The following RBM28 variants were observed in gnomAD, a reference collection of about 807,000 sequenced individuals.
The protein encoded by RBM28 is RNA binding motif protein 28.
In RBM28, 78 loss-of-function variants were observed where a neutral mutation model predicts 98.3. That is an observed-to-expected ratio of 0.79 (90% CI 0.66 to 0.96). The LOEUF (loss-of-function observed/expected upper bound fraction) is 0.96. Ranked by LOEUF, RBM28 falls within the 40% of genes least tolerant of loss-of-function variation. RBM28 has a pLI of 0.00. For missense variants in RBM28, 838 were observed against 913.0 expected (o/e 0.92, Z 1.06); for synonymous variants, 306 against 330.9 (o/e 0.92, Z 0.82).
chr7:128,316,407 T>A (rs972593956), intron 16 of RBM28, among the ~76,000 whole-genome samples: 2 of 152,078 alleles, frequency 1.3e-5, no homozygotes, highest in Non-Finnish European at 2.9e-5. Flanking sequence ...ATAAAGTAAT[T>A]TGGATGTTAA....
Position 128,343,802 on chromosome 7 carries a change from G to T in RBM28, c.-9C>A, listed in dbSNP as rs1041053876. ...AAGGTCAGGCCGGCCATGAGACCGG[G>T]AAACCCAAAGCGCGTGAGGACGCGA... On this transcript the variant is annotated 5_prime_UTR_variant, in exon 1 of 19. Transcript: ENST00000223073. 3.2e-6 allele frequency: 5 copies of T among 1,581,320 alleles called. No individual in the cohort carries two copies. In the African/African-American group the frequency reaches 6.8e-5, roughly 21 times the overall value.
chr7:128,320,585 A>C (rs1796210085), intron 14 of RBM28, among the ~76,000 whole-genome samples: 1 of 152,230 alleles, frequency 6.6e-6, no homozygotes, highest in Non-Finnish European at 1.5e-5. Flanking sequence ...CACAAGGCAT[A>C]GGGGACTCTG....
rs2116308748 is a variant in RBM28 at position 128,307,090 on chromosome 7, A to C, written c.*3707T>G. ...AGTGCCAATTAAGGCTGAGTTGAAA[A>C]GGAGCTGGGCATCATCAAACTGCAA... On this transcript the variant is annotated 3_prime_UTR_variant, in exon 19 of 19. Coordinates refer to ENST00000223073, the MANE Select transcript of RBM28 (RefSeq NM_018077.3). The C allele has an allele frequency of 6.6e-6, 1 of 152,398 alleles. No homozygotes were observed. Among genetic ancestry groups the C allele is most frequent in the East Asian group, 1.9e-4 (1 of 5,194 alleles). 9.4% of individuals were successfully genotyped at this position (152,398 alleles called of 1,614,324 possible). A position where few individuals can be genotyped will look rare whatever the true frequency, so the allele number is the denominator to read the frequency against.
chr7:128,324,646 C>T lies in RBM28; in HGVS notation c.1252G>A (p.Val418Met), dbSNP rs1020928593. The T allele has an allele frequency of 8.1e-6, 13 of 1,614,078 alleles. No individual in the cohort carries two copies. Among genetic ancestry groups the T allele is most frequent in the Non-Finnish European group, 9.3e-6 (11 of 1,180,058 alleles). The change falls in exon 12 of 19, where the codon GTG (valine) becomes ATG (methionine). Residue 418 changes from valine to methionine, a missense_variant. By Grantham distance (21) the Val-to-Met change is conservative (BLOSUM62 1). Coordinates refer to ENST00000223073, the MANE Select transcript of RBM28 (RefSeq NM_018077.3). ...DGRQLKVDLAVTRDEAAKLQT... is the reference protein window; with the variant it reads ...DGRQLKVDLAMTRDEAAKLQT... Reference sequence around the variant, plus strand: ...AGCTTTGCAGCCTCATCACGGGTCACCGCCAAGTCAACCTTGAGCTGCCGG... The same window carrying T: ...AGCTTTGCAGCCTCATCACGGGTCATCGCCAAGTCAACCTTGAGCTGCCGG...
intron 8 of RBM28, 25 bp downstream of exon 8, chr7:128,335,518 G>A (rs760783507): frequency 1.9e-6 from 3 of 1,613,992 alleles, no homozygotes; most frequent in Non-Finnish European, 2.5e-6. Context: ...AAAGTCTAAA[G>A]ACATTTATGA....
intron 16 of RBM28, 23 bp downstream of exon 16, chr7:128,317,636 T>C: frequency 6.5e-7 from 1 of 1,530,604 alleles, no homozygotes; most frequent in Non-Finnish European, 9.1e-7. Flanking sequence ...TCCTTAAAAA[T>C]ATGGACCATT....
intron 13 of RBM28, 91 bp from the exon 14 acceptor site, chr7:128,321,515 T>TC: frequency 6.7e-7 from 1 of 1,493,052 alleles, no homozygotes; most frequent in South Asian, 1.1e-5. Context: ...ATGATCCTCA[T>TC]CCCATAACCA....
At chr7:128,330,356 A>C (rs1355511651) in intron 10 of RBM28, among the ~76,000 whole-genome samples, 2 of 146,014 alleles carry the variant, frequency 1.4e-5, no homozygotes, top group Non-Finnish European at 3.0e-5. Flanking sequence ...ATTAAAGACC[A>C]GGATGTCCCT....
In RBM28 at chr7:128,313,250, C is replaced by T. The variant is rs1796026897; in HGVS notation, c.2070G>A (p.Lys690=). The change falls in exon 18 of 19, where the codon AAG becomes AAA. Residue 690 remains lysine (K), a synonymous_variant. Coordinates refer to ENST00000223073, the MANE Select transcript of RBM28 (RefSeq NM_018077.3). ...KIRLRDKGKV[K]PVHPKKPKPQ... Reference sequence around the variant, plus strand: ...GCTTTGGCTTTTTGGGATGGACGGGCTTCACTTTGCCTTTGTCCCGCAACC... The same window carrying T: ...GCTTTGGCTTTTTGGGATGGACGGGTTTCACTTTGCCTTTGTCCCGCAACC... The T allele has an allele frequency of 6.2e-7, 1 of 1,614,150 alleles. No individual in the cohort carries two copies.
chr7:128,336,188 G>A, intron 6 of RBM28, 146 bp from the exon 7 acceptor site: 2 of 768,434 alleles, frequency 2.6e-6, no homozygotes, highest in Non-Finnish European at 4.1e-6. Context: ...ACAGGAGAAA[G>A]TATAAAGAAA....
Position 128,339,780 on chromosome 7 carries a change from A to G in RBM28, c.130T>C (p.Cys44Arg), listed in dbSNP as rs757618023. ...AAAGTGACATAGCCAAAGCCTCGAC[A>G]TGCCTTACTCCCTGGAATAATGGAG... ...FVVTEKGSKA[C>R]RGFGYVTFSM... Residue 44 changes from cysteine (C) to arginine (R), a missense_variant, in exon 2 of 19, where the codon TGT becomes CGT. By Grantham distance (180) the Cys-to-Arg change is radical. Transcript: ENST00000223073. The G allele has an allele frequency of 6.2e-7, 1 of 1,614,066 alleles. No homozygotes were observed. Among genetic ancestry groups the G allele is most frequent in the Non-Finnish European group, 8.5e-7 (1 of 1,179,952 alleles).
intron 10 of RBM28, among the ~76,000 whole-genome samples, chr7:128,328,977 C>T (rs904558208): frequency 6.7e-6 from 1 of 149,286 alleles, no homozygotes; most frequent in Non-Finnish European, 1.5e-5. Context: ...GAGATGGAGG[C>T]GGTCTTGTTC....
At chr7:128,335,095 G>A (rs1040658477) in intron 8 of RBM28, among the ~76,000 whole-genome samples, 2 of 152,194 alleles carry the variant, frequency 1.3e-5, no homozygotes, top group African/African-American at 4.8e-5. Context: ...ATTTTGTTAT[G>A]TCAGTCCAAA....
At chr7:128,321,940 C>T (rs1796244790) in intron 13 of RBM28, among the ~76,000 whole-genome samples, 1 of 151,630 alleles carries the variant, frequency 6.6e-6, no homozygotes, top group Non-Finnish European at 1.5e-5. Flanking sequence ...CCCAGCTACT[C>T]GGGAGGCTGA....
At chr7:128,314,708 A>G in intron 17 of RBM28, 56 bp downstream of exon 17, 1 of 1,613,062 alleles carries the variant, frequency 6.2e-7, no homozygotes, top group Non-Finnish European at 8.5e-7. Flanking sequence ...CTCAGCAAAA[A>G]CAAACCCGCT....
At chr7:128,314,452 A>C (rs569892375) in intron 17 of RBM28, among the ~76,000 whole-genome samples, 15 of 152,370 alleles carry the variant, frequency 9.8e-5, no homozygotes, top group African/African-American at 3.6e-4. Flanking sequence ...CTGCTGTCCC[A>C]AACAGAAACT....
intron 14 of RBM28, among the ~76,000 whole-genome samples, chr7:128,320,489 A>C (rs1796208352): frequency 6.6e-6 from 1 of 152,070 alleles, no homozygotes. Context: ...AAAGTTCTGT[A>C]CTCACACAGA....
chr7:128,301,004 T>C lies in RBM28; in HGVS notation c.*9793A>G, dbSNP rs1382943489. ...CACCCCGGGAGCAGAGCCTGGCTCA[T>C]ATCCTGGTATCCCTGCAGAGGCTGG... On this transcript the variant is annotated 3_prime_UTR_variant, in exon 19 of 19. Transcript: ENST00000223073. 1 of 152,476 alleles carries C rather than the reference T, an allele frequency of 6.6e-6. No homozygotes were observed. Among genetic ancestry groups the C allele is most frequent in the African/African-American group, 2.4e-5 (1 of 41,462 alleles). The allele number at this position is 152,476 out of a possible 1,614,324, so 9.4% of individuals were successfully genotyped here.
intron 6 of RBM28, among the ~76,000 whole-genome samples, chr7:128,336,922 T>C (rs1216841479): frequency 6.6e-6 from 1 of 152,160 alleles, no homozygotes; most frequent in Non-Finnish European, 1.5e-5. Context: ...CTAATTTTTG[T>C]ATTTTTAGTA....
Sources: gnomAD v4.1 joint callset for allele counts (sites outside exome capture counted in the v4.1 genomes callset) on GRCh38, gnomAD v4.1.1 for gene constraint, MANE v1.5 for transcripts, NCBI Gene and HGNC (gene_info 2026-07-23, HGNC 2026-07-21) for gene names.